Variants in PAOX observed in about 807,000 individuals in gnomAD.
The protein encoded by PAOX is peroxisomal N(1)-acetyl-spermine/spermidine oxidase.
In PAOX, 38 loss-of-function variants were observed where a neutral mutation model predicts 39.0. The observed-to-expected ratio is 0.97, with a 90% CI of 0.75 to 1.28. PAOX has a LOEUF of 1.28. Among genes scored for constraint, PAOX ranks in the 50% most tolerant of loss-of-function variants. PAOX has a pLI of 0.00. For missense variants in PAOX, 667 were observed against 685.7 expected, an observed-to-expected ratio of 0.97 and a Z score of 0.30; for synonymous variants, 311 against 314.4, an observed-to-expected ratio of 0.99 and a Z score of 0.11.
At position 133,381,477 on chromosome 10, in the gene PAOX, C is replaced by G. The variant is rs370274824; in HGVS notation, c.686C>G (p.Thr229Arg). 6.2e-7 allele frequency: 1 copy of G among 1,613,788 alleles called. No individual in the cohort carries two copies. Among genetic ancestry groups the G allele is most frequent in the South Asian group, 1.1e-5 (1 of 91,084 alleles). ...CTTTCTAGGGGCTATCAAGGACTCA[C>G]AAACTGCATGATGGCCGCCCTGCCG... is the stretch of plus-strand genomic sequence containing the variant. ...CTFSKGYQGL[T>R]NCMMAALPED... Residue 229 changes from threonine to arginine, a missense_variant, in exon 3 of 7, where the codon ACA becomes AGA. Coordinates refer to ENST00000278060, the MANE Select transcript of PAOX (RefSeq NM_152911.4).
chr10:133,390,929 G>A, intron 6 of PAOX: 1 of 698,950 alleles, frequency 1.4e-6, no homozygotes, highest in South Asian at 1.5e-5. Context: ...GAGCTGCGGG[G>A]TGCAGTGGCT....
chr10:133,384,427 C>T lies in PAOX; in HGVS notation c.1121+215C>T, dbSNP rs1849482367. The stretch of plus-strand genomic sequence containing the variant: ...TGCTGTATGCGGGTTGTCAGCGTCC[C>T]TCAGGGCCCAGAATGTGTTTGTAGA... On this transcript the variant is annotated intron_variant, in intron 4 of 6. Transcript: ENST00000278060. The surrounding 1 kb of genome is among the most constrained non-coding windows in gnomAD (Gnocchi z 4.3). Among the ~76,000 whole-genome samples the T allele has an allele frequency of 6.6e-6, 1 of 152,196 alleles. No homozygotes were observed. The highest frequency in any genetic ancestry group is 1.5e-5 in the Non-Finnish European group (1 of 68,038).
intron 1 of PAOX, 196 bp downstream of exon 1, chr10:133,379,693 A>G: frequency 1.8e-6 from 1 of 562,394 alleles, no homozygotes; most frequent in Non-Finnish European, 2.7e-6. Context: ...GGCGCCGGCC[A>G]GGGAAGGCGA....
In PAOX at chr10:133,391,436, A is replaced by C; in HGVS notation, c.1517A>C (p.Gln506Pro). The change falls in exon 7 of 7, where the codon CAG becomes CCG. Residue 506 changes from glutamine (Q) to proline (P), a missense_variant. By Grantham distance (76) the Gln-to-Pro change is moderately conservative. Coordinates refer to ENST00000278060, the MANE Select transcript of PAOX (RefSeq NM_152911.4). ...AGTCTGTGGGCCCCGCAGGTGCAGC[A>C]GCCCAGGCCCAGGCTCTAGCTGGGC... ...LLSLWAPQVQ[Q>P]PRPRL The C allele has an allele frequency of 6.2e-7, 1 of 1,612,530 alleles. No homozygotes were observed.
chr10:133,386,320 C>T (rs929506913), intron 4 of PAOX, among the ~76,000 whole-genome samples: 1 of 152,088 alleles, frequency 6.6e-6, no homozygotes, highest in African/African-American at 2.4e-5. Context: ...CCACCACGCC[C>T]GGCCTTTTCT....
intron 1 of PAOX, chr10:133,379,720 G>C: frequency 1.9e-6 from 1 of 532,570 alleles, no homozygotes; most frequent in Non-Finnish European, 3.0e-6. Flanking sequence ...GCTCCACAAG[G>C]CCGCCCTGAT....
intron 1 of PAOX, 187 bp from the exon 2 acceptor site, chr10:133,379,812 C>T (rs1849302988): frequency 8.3e-6 from 6 of 724,756 alleles, no homozygotes; most frequent in South Asian, 3.3e-5. Flanking sequence ...CGACAAGTGC[C>T]CTCCTGCCCA....
chr10:133,388,358 A>C, intron 4 of PAOX, among the ~76,000 whole-genome samples: 1 of 152,132 alleles, frequency 6.6e-6, no homozygotes, highest in East Asian at 1.9e-4. Context: ...TCCCACTTGA[A>C]AGGGAAAACA....
chr10:133,380,242 G>C lies in PAOX; in HGVS notation c.425G>C (p.Arg142Pro). Residue 142 changes from arginine (R) to proline (P), a missense_variant, in exon 2 of 7, where the codon CGG (arginine) becomes CCG (proline). Coordinates refer to ENST00000278060, the MANE Select transcript of PAOX (RefSeq NM_152911.4). The part of the protein sequence containing the change: ...TLFYGLIDQT[R>P]EFLHAAETPV... ...TTCTACGGCCTGATAGACCAGACCCGGGAGTTCCTGCACGCTGCAGAGACC... is the reference window on the plus strand; with the variant it reads ...TTCTACGGCCTGATAGACCAGACCCCGGAGTTCCTGCACGCTGCAGAGACC... 6.2e-7 allele frequency: 1 copy of C among 1,612,900 alleles called. No homozygotes were observed. Among genetic ancestry groups the C allele is most frequent in the South Asian group, 1.1e-5 (1 of 91,084 alleles).
chr10:133,379,729 A>T, intron 1 of PAOX: 1 of 533,970 alleles, frequency 1.9e-6, no homozygotes, highest in Non-Finnish European at 3.0e-6. Flanking sequence ...GGCCGCCCTG[A>T]TTCTGCCCCA....
Position 133,389,159 on chromosome 10 carries a change from C to T in PAOX, c.1234+91C>T. On this transcript the variant is annotated intron_variant, in intron 5 of 6. Transcript: ENST00000278060. Reference sequence around the variant, plus strand: ...CTAGACTTTGCAGAACAGAGAAAAACTAAATTTGGCTGACTCTGTACATCT... The same window carrying T: ...CTAGACTTTGCAGAACAGAGAAAAATTAAATTTGGCTGACTCTGTACATCT... 21 of 1,050,600 alleles carry T rather than the reference C, an allele frequency of 2.0e-5. No homozygotes were observed. In the South Asian group the frequency reaches 2.6e-4, roughly 13 times the overall value. 65.1% of individuals were successfully genotyped at this position (1,050,600 alleles called of 1,614,324 possible). A position where few individuals can be genotyped will look rare whatever the true frequency, so the allele number is the denominator to read the frequency against.
chr10:133,381,914 G>A lies in PAOX; in HGVS notation c.868+255G>A, dbSNP rs934144130. Among the ~76,000 whole-genome samples, 11 of 152,304 alleles carry A rather than the reference G, an allele frequency of 7.2e-5. 1 individual carries two copies. In the South Asian group the frequency reaches 1.5e-3, roughly 20 times the overall value. On this transcript the variant is annotated intron_variant, in intron 3 of 6. Transcript: ENST00000278060. The stretch of plus-strand genomic sequence containing the variant: ...CTTGGAGGTAACCGTTTAGGGTTGC[G>A]ACGGCCTTGGAGATTAACCACACCG...
intron 1 of PAOX, chr10:133,379,713 C>T (rs1849298299): frequency 1.9e-6 from 1 of 529,150 alleles, no homozygotes; most frequent in Non-Finnish European, 3.0e-6. Context: ...ACCTACGGCT[C>T]CACAAGGCCG....
rs1453059053 is a variant in PAOX at position 133,381,593 on chromosome 10, G to A, written c.802G>A (p.Val268Met). Residue 268 changes from valine (V) to methionine (M), a missense_variant, in exon 3 of 7, where the codon GTG (valine) becomes ATG (methionine). Transcript: ENST00000278060. Reference sequence around the variant, plus strand: ...AGCCTTTCCCGGGGAGACCTTTCCAGTGTCGGTAGAGTGTGAGGATGGAGA... The same window carrying A: ...AGCCTTTCCCGGGGAGACCTTTCCAATGTCGGTAGAGTGTGAGGATGGAGA... ...EAAFPGETFP[V>M]SVECEDGDRF... 1.2e-6 allele frequency: 2 copies of A among 1,613,718 alleles called. No homozygotes were observed. The highest frequency in any genetic ancestry group is 1.3e-5 in the African/African-American group (1 of 75,046).
At position 133,380,493 on chromosome 10, in the gene PAOX, C is replaced by T; in HGVS notation, c.668+8C>T. 1 of 1,564,430 alleles carries T rather than the reference C, an allele frequency of 6.4e-7. No individual in the cohort carries two copies. Among genetic ancestry groups the T allele is most frequent in the Non-Finnish European group, 8.6e-7 (1 of 1,158,782 alleles). On this transcript the variant is annotated splice_region_variant and intron_variant, in intron 2 of 6. Coordinates refer to ENST00000278060, the MANE Select transcript of PAOX (RefSeq NM_152911.4). Reference sequence around the variant, plus strand: ...GGACTGCACCTTTTCTAAGTGCGTGCCTGAGCCCCTGCCCCGCCAGTCCTC... The same window carrying T: ...GGACTGCACCTTTTCTAAGTGCGTGTCTGAGCCCCTGCCCCGCCAGTCCTC...
At chr10:133,381,970 A>C (rs1469221142) in intron 3 of PAOX, among the ~76,000 whole-genome samples, 1 of 131,202 alleles carries the variant, frequency 7.6e-6, no homozygotes, top group Non-Finnish European at 1.6e-5. Flanking sequence ...AAGGCATGAA[A>C]GGCCTGGTCT....
At chr10:133,381,315 G>C (rs949603687) in intron 2 of PAOX, 145 bp from the exon 3 acceptor site, 1 of 731,168 alleles carries the variant, frequency 1.4e-6, no homozygotes, top group Admixed American at 2.3e-5. Flanking sequence ...CCACAGAGTG[G>C]AGCTGACCTC....
intron 6 of PAOX, among the ~76,000 whole-genome samples, chr10:133,389,958 G>A (rs532516025): frequency 1.1e-4 from 16 of 152,332 alleles, no homozygotes; most frequent in Admixed American, 5.9e-4. Context: ...ATTCTGCAGT[G>A]CTAACAAAAG....
rs927338063 is a variant in PAOX at position 133,389,835 on chromosome 10, C to A, written c.1392+88C>A. 2.0e-5 allele frequency: 27 copies of A among 1,325,292 alleles called. No individual in the cohort carries two copies. The Admixed American group carries it at 6.6e-4, about 32-fold the overall frequency. The allele number at this position is 1,325,292 out of a possible 1,614,324, so 82.1% of individuals were successfully genotyped here. ...GCGCTGCAGGAGCACCAGCCAGTGG[C>A]GGGTGGGCTGGGATCCCAGACTCGG... On this transcript the variant is annotated intron_variant, in intron 6 of 6. Transcript: ENST00000278060.
Sources: gnomAD v4.1 joint callset for allele counts (sites outside exome capture counted in the v4.1 genomes callset) on GRCh38, gnomAD v4.1.1 for gene constraint, Gnocchi (gnomAD v3.1) non-coding constraint, MANE v1.5 for transcripts, NCBI Gene and HGNC (gene_info 2026-07-23, HGNC 2026-07-21) for gene names.